The following DRC4 variants were observed in gnomAD, a reference collection of about 807,000 sequenced individuals.
DRC4 encodes the protein dynein regulatory complex subunit 4.
the DRC4 span, among the ~76,000 whole-genome samples, chr16:90,038,969 T>G: frequency 8.5e-5 from 13 of 152,258 alleles, no homozygotes; most frequent in Non-Finnish European, 1.9e-4. Flanking sequence ...ATTGAAATTT[T>G]TGAACACAAA....
At chr16:90,025,673 AG>A in the DRC4 span, among the ~76,000 whole-genome samples, 158 of 129,898 alleles carry the variant, frequency 1.2e-3, 3 homozygotes, top group African/African-American at 4.4e-3. Flanking sequence ...AAAAAAAAAA[AG>A]AGAGTTCAAG....
At chr16:90,043,588 C>T in the DRC4 span, 2 of 608,282 alleles carry the variant, frequency 3.3e-6, no homozygotes, top group Non-Finnish European at 6.1e-6. Context: ...TCCAGGCCTA[C>T]TCCCTGGTCT....
At chr16:90,035,727 AC>A in the DRC4 span, 4 of 1,612,136 alleles carry the variant, frequency 2.5e-6, no homozygotes, top group South Asian at 3.3e-5. Flanking sequence ...TGCCAGAGAC[AC>A]CCCCGCCCCA....
the DRC4 span, chr16:90,042,861 A>G: frequency 8.0e-6 from 4 of 499,184 alleles, no homozygotes; most frequent in Non-Finnish European, 1.5e-5. Context: ...GTCATTCAAC[A>G]GGGGAAGGGA....
the DRC4 span, chr16:90,037,650 C>G: frequency 3.6e-6 from 4 of 1,122,764 alleles, no homozygotes; most frequent in Non-Finnish European, 5.4e-6. Context: ...GTCCTGGAAC[C>G]AGGTCTTTCT....
At chr16:90,031,213 C>A in the DRC4 span, 1 of 1,588,560 alleles carries the variant, frequency 6.3e-7, no homozygotes, top group East Asian at 2.3e-5. Context: ...CTCCCTCTTT[C>A]TTCCTTGCCT....
the DRC4 span, among the ~76,000 whole-genome samples, chr16:90,024,835 A>G: frequency 6.6e-6 from 1 of 151,994 alleles, no homozygotes; most frequent in Non-Finnish European, 1.5e-5. Context: ...ACAAAAAACA[A>G]AAAAATGCAA....
At chr16:90,020,579 A>G in the DRC4 span, among the ~76,000 whole-genome samples, 1 of 152,234 alleles carries the variant, frequency 6.6e-6, no homozygotes. Context: ...CTTAAGCCAC[A>G]TATGTGAAGA....
the DRC4 span, among the ~76,000 whole-genome samples, chr16:90,028,172 CATT>C: frequency 4.0e-5 from 3 of 75,008 alleles, no homozygotes; most frequent in African/African-American, 1.6e-4. Flanking sequence ...ATTAATCGTT[CATT>C]TTTTTTTTTT....
chr16:90,038,304 G>C, the DRC4 span, among the ~76,000 whole-genome samples: 1 of 152,132 alleles, frequency 6.6e-6, no homozygotes, highest in Non-Finnish European at 1.5e-5. Flanking sequence ...GCATGCTCTC[G>C]TGTGGATGTG....
At chr16:90,024,123 T>TACACACAC in the DRC4 span, among the ~76,000 whole-genome samples, 8,278 of 139,280 alleles carry the variant, frequency 0.059, 370 homozygotes, top group East Asian at 0.13. Context: ...TTACTAAAAA[T>TACACACAC]ACACACACAC....
chr16:90,035,853 C>T, the DRC4 span: 1 of 1,506,882 alleles, frequency 6.6e-7, no homozygotes, highest in Non-Finnish European at 8.9e-7. Context: ...TGGACCCACT[C>T]AGAATCCCAG....
At chr16:90,032,754 C>T in the DRC4 span, 1 of 1,613,920 alleles carries the variant, frequency 6.2e-7, no homozygotes, top group Non-Finnish European at 8.5e-7. Flanking sequence ...GCTATATGAG[C>T]ACCAGAACAA....
the DRC4 span, chr16:90,031,580 A>G: frequency 7.2e-7 from 1 of 1,396,648 alleles, no homozygotes; most frequent in Non-Finnish European, 9.6e-7. Context: ...CAGGTGGGAC[A>G]TTTTCTGTTC....
the DRC4 span, chr16:90,029,121 G>A: frequency 7.6e-7 from 1 of 1,322,742 alleles, no homozygotes; most frequent in Admixed American, 2.3e-5. Flanking sequence ...GGCCTTGTGG[G>A]GCAGTGGCCA....
the DRC4 span, chr16:90,037,212 G>T: frequency 1.1e-5 from 18 of 1,592,916 alleles, no homozygotes; most frequent in Admixed American, 1.9e-4. Flanking sequence ...CCCCTGCCGG[G>T]CCTGTGCTTG....
the DRC4 span, chr16:90,037,129 C>A: frequency 8.4e-7 from 1 of 1,186,730 alleles, no homozygotes; most frequent in Non-Finnish European, 1.2e-6. Context: ...AGGCTGGCAG[C>A]AGCTGGTGAT....
At chr16:90,043,047 T>A in the DRC4 span, 2 of 856,440 alleles carry the variant, frequency 2.3e-6, no homozygotes, top group African/African-American at 1.7e-5. Context: ...TGCTTGGAGC[T>A]GTGTCCCACA....
At chr16:90,036,368 T>G in the DRC4 span, 6 of 1,592,744 alleles carry the variant, frequency 3.8e-6, no homozygotes, top group African/African-American at 8.1e-5. Flanking sequence ...TGCTGTTTGC[T>G]GCTGCCTTTC....
Sources: allele counts gnomAD v4.1 joint callset (sites outside exome capture counted in the v4.1 genomes callset), GRCh38; gene constraint gnomAD v4.1.1; transcripts MANE v1.5; gene names NCBI Gene and HGNC (gene_info 2026-07-23, HGNC 2026-07-21).